C1orf21: variants seen among roughly 807,000 people sequenced by gnomAD.
The protein encoded by C1orf21 is chromosome 1 open reading frame 21.
In C1orf21, 3 loss-of-function variants were observed where a neutral mutation model predicts 18.7. That is an observed-to-expected ratio of 0.16 (90% CI 0.07 to 0.42). The LOEUF is 0.42. Among genes scored for constraint, C1orf21 ranks in the 10% least tolerant of loss-of-function variants. The pLI is 0.99. For synonymous variants in C1orf21, 41 were observed against 46.4 expected (o/e 0.88, Z 0.47); for missense variants, 104 against 143.6 (o/e 0.72, Z 1.41).
chr1:184,466,200 T>C (rs961103561), intron 1 of C1orf21, among the ~76,000 whole-genome samples: 11 of 152,224 alleles, frequency 7.2e-5, no homozygotes, highest in Admixed American at 2.6e-4. Context: ...TTAATAGTGT[T>C]TCAGCTGAAG....
At chr1:184,436,889 T>C (rs961293865) in intron 1 of C1orf21, among the ~76,000 whole-genome samples, 1 of 152,158 alleles carries the variant, frequency 6.6e-6, no homozygotes, top group African/African-American at 2.4e-5. Flanking sequence ...CAGATACTGA[T>C]AACCAACCAT....
intron 3 of C1orf21, among the ~76,000 whole-genome samples, chr1:184,557,106 C>T (rs1558002024): frequency 6.6e-6 from 1 of 152,152 alleles, no homozygotes; most frequent in Non-Finnish European, 1.5e-5. Context: ...CCCACCTTTG[C>T]ACTATCAGAT....
chr1:184,551,977 A>C (rs1044102991), intron 3 of C1orf21, among the ~76,000 whole-genome samples: 1 of 151,600 alleles, frequency 6.6e-6, no homozygotes, highest in African/African-American at 2.4e-5. Context: ...GAGGTGATAG[A>C]ATTAACGTTT....
intron 1 of C1orf21, among the ~76,000 whole-genome samples, chr1:184,423,364 G>C (rs973825853): frequency 4.2e-4 from 64 of 152,292 alleles, no homozygotes; most frequent in African/African-American, 1.5e-3. Context: ...CTTCATGATG[G>C]AGGATATATC....
At chr1:184,591,555 C>T (rs1271916145) in intron 4 of C1orf21, among the ~76,000 whole-genome samples, 2 of 152,148 alleles carry the variant, frequency 1.3e-5, no homozygotes, top group African/African-American at 2.4e-5. Context: ...GCCTGTAATC[C>T]CAGCACTTTG....
intron 1 of C1orf21, among the ~76,000 whole-genome samples, chr1:184,432,826 C>T (rs548842375): frequency 6.6e-6 from 1 of 152,158 alleles, no homozygotes; most frequent in Non-Finnish European, 1.5e-5. Flanking sequence ...TAAGATTCCT[C>T]TGCTTTGTTT....
At chr1:184,390,843 G>A (rs1655961396) in intron 1 of C1orf21, among the ~76,000 whole-genome samples, 1 of 152,080 alleles carries the variant, frequency 6.6e-6, no homozygotes, top group African/African-American at 2.4e-5. Flanking sequence ...TAAAAATTAT[G>A]CTTAATTGGG....
intron 5 of C1orf21, among the ~76,000 whole-genome samples, chr1:184,605,915 G>A (rs1178551036): frequency 6.6e-6 from 1 of 152,238 alleles, no homozygotes; most frequent in Non-Finnish European, 1.5e-5. Flanking sequence ...GGATGGGCTT[G>A]TTGGGGGTGG....
chr1:184,583,245 G>T (rs544140414), intron 3 of C1orf21, among the ~76,000 whole-genome samples: 4 of 152,294 alleles, frequency 2.6e-5, no homozygotes, highest in African/African-American at 9.6e-5. Context: ...AGTATAGTGA[G>T]TTTGACTGTC....
chr1:184,436,757 T>C (rs1162371041), intron 1 of C1orf21, among the ~76,000 whole-genome samples: 2 of 152,122 alleles, frequency 1.3e-5, no homozygotes, highest in Non-Finnish European at 2.9e-5. Flanking sequence ...CAGGTATTGA[T>C]TGGGCTTTGT....
rs528347694 is a variant in C1orf21 at position 184,624,571 on chromosome 1, A to G, written c.*5015A>G. On this transcript the variant is annotated 3_prime_UTR_variant, in exon 6 of 6. Coordinates refer to ENST00000235307, the MANE Select transcript of C1orf21 (RefSeq NM_030806.4). ...GTCTGGGACAATCCGATCTCCAAGC[A>G]TGGAGGAAAGGCAATGCCTGGACCA... 2.6e-5 allele frequency: 4 copies of G among 152,172 alleles called. No homozygotes were observed. Among genetic ancestry groups the G allele is most frequent in the African/African-American group, 7.2e-5 (3 of 41,432 alleles). 9.4% of individuals were successfully genotyped at this position (152,172 alleles called of 1,614,324 possible).
intron 3 of C1orf21, among the ~76,000 whole-genome samples, chr1:184,518,752 AG>A (rs1464031827): frequency 6.6e-6 from 1 of 152,102 alleles, no homozygotes; most frequent in Non-Finnish European, 1.5e-5. Flanking sequence ...GGCATAATAT[AG>A]GCACTGAAAG....
At chr1:184,606,972 GA>G (rs968108147) in intron 5 of C1orf21, among the ~76,000 whole-genome samples, 4 of 152,160 alleles carry the variant, frequency 2.6e-5, no homozygotes, top group Non-Finnish European at 4.4e-5. Context: ...ATTATGTTCT[GA>G]ACATTGCTTG....
chr1:184,525,794 G>T lies in C1orf21; in HGVS notation c.189+18112G>T, dbSNP rs186785339. On this transcript the variant is annotated intron_variant, in intron 3 of 5. Transcript: ENST00000235307. ...AGCTGGGCAGAACAGCAGGCTTTCT[G>T]CCAGATCAAAAGCCTGTTGCTTTTC... Among the ~76,000 whole-genome samples, 8 of 152,246 alleles carry T rather than the reference G, an allele frequency of 5.3e-5. No individual in the cohort carries two copies. In the East Asian group the frequency reaches 1.5e-3, roughly 29 times the overall value.
At chr1:184,414,583 T>A (rs1656417188) in intron 1 of C1orf21, among the ~76,000 whole-genome samples, 1 of 151,792 alleles carries the variant, frequency 6.6e-6, no homozygotes, top group African/African-American at 2.4e-5. Flanking sequence ...CTGAACTAAG[T>A]GTAAGAGCCC....
At chr1:184,560,582 GA>G (rs1255523393) in intron 3 of C1orf21, among the ~76,000 whole-genome samples, 1 of 152,064 alleles carries the variant, frequency 6.6e-6, no homozygotes, top group Non-Finnish European at 1.5e-5. Context: ...CTAATTAGCT[GA>G]AAGAATCATT....
chr1:184,529,059 C>G (rs1409209715), intron 3 of C1orf21, among the ~76,000 whole-genome samples: 1 of 151,950 alleles, frequency 6.6e-6, no homozygotes, highest in Admixed American at 6.6e-5. Flanking sequence ...GAATTGATAC[C>G]CTTACTAGCA....
At chr1:184,509,110 G>A (rs975375866) in intron 3 of C1orf21, among the ~76,000 whole-genome samples, 7 of 152,128 alleles carry the variant, frequency 4.6e-5, no homozygotes, top group Non-Finnish European at 8.8e-5. Flanking sequence ...TCTGGCAGTG[G>A]TTTCTCCTTA....
intron 2 of C1orf21, among the ~76,000 whole-genome samples, chr1:184,492,890 G>A (rs990639492): frequency 6.6e-6 from 1 of 152,282 alleles, no homozygotes. Context: ...AGGCCAAAAG[G>A]AGAACATTTA....
Sources: allele counts gnomAD v4.1 joint callset (sites outside exome capture counted in the v4.1 genomes callset), GRCh38; gene constraint gnomAD v4.1.1; transcripts MANE v1.5; gene names NCBI Gene and HGNC (gene_info 2026-07-23, HGNC 2026-07-21).